DHX33: variants seen among roughly 807,000 people sequenced by gnomAD.
DHX33 encodes DEAH-box helicase 33, also known as ATP-dependent RNA helicase DHX33.
A neutral mutation model predicts 72.5 loss-of-function variants in DHX33; 42 were observed. The observed-to-expected ratio is 0.58, with a 90% confidence interval of 0.45 to 0.75. DHX33 has a LOEUF of 0.75. Ranked by LOEUF, DHX33 falls within the 30% of genes least tolerant of loss-of-function variation. The pLI is 0.00. For missense variants in DHX33, 842 were observed against 917.5 expected (o/e 0.92, Z 1.06); for synonymous variants, 358 against 366.1 (o/e 0.98, Z 0.25).
chr17:5,456,080 C>A lies in DHX33; in HGVS notation c.952G>T (p.Gly318Cys), dbSNP rs199848387. The A allele has an allele frequency of 2.5e-6, 4 of 1,613,794 alleles. No homozygotes were observed. Among genetic ancestry groups the A allele is most frequent in the Admixed American group, 3.3e-5 (2 of 60,008 alleles). Reference protein sequence around the residue: ...CRDIAKHLPDGCPAMLVLPLY... With the variant: ...CRDIAKHLPDCCPAMLVLPLY... ...GGAAGGACCAGCATCGCAGGGCAGC[C>A]GTCTGGGAGGTGCTTTGCAATGTCT... The change falls in exon 5 of 12, where the codon GGC becomes TGC. Residue 318 changes from glycine (G) to cysteine (C), a missense_variant. Transcript: ENST00000225296.
At chr17:5,447,152 A>G (rs1396009497) in intron 11 of DHX33, among the ~76,000 whole-genome samples, 3 of 152,256 alleles carry the variant, frequency 2.0e-5, no homozygotes, top group Admixed American at 1.3e-4. Flanking sequence ...GTGGAGTGTC[A>G]TGCGAGCATT....
In DHX33 at chr17:5,468,753, A is replaced by G. The variant is rs750790335; in HGVS notation, c.107T>C (p.Leu36Pro). The G allele has an allele frequency of 1.9e-6, 3 of 1,611,150 alleles. No individual in the cohort carries two copies. The highest frequency in any genetic ancestry group is 2.5e-6 in the Non-Finnish European group (3 of 1,179,072). ...FPPGRQVVML[L>P]TAGSGGRGGG... ...TCCTCTGCCGCCGCTGCCCGCAGTC[A>G]GCAGCATCACCACTTGCCTCCCGGG... is the stretch of plus-strand genomic sequence containing the variant. The change falls in exon 1 of 12, where the codon CTG becomes CCG. Residue 36 changes from leucine to proline, a missense_variant. Transcript: ENST00000225296.
In DHX33 at chr17:5,448,855, G is replaced by A. The variant is rs745955062; in HGVS notation, c.1769C>T (p.Thr590Met). Reference protein sequence around the residue: ...KENFVNSKNMTLVAEVRAQLR... With the variant: ...KENFVNSKNMMLVAEVRAQLR... Reference sequence around the variant, plus strand: ...CTGTGCTCTGACTTCTGCTACCAGCGTCATATTCTTGCTGTTGACAAAATT... The same window carrying A: ...CTGTGCTCTGACTTCTGCTACCAGCATCATATTCTTGCTGTTGACAAAATT... Residue 590 changes from threonine to methionine, a missense_variant, in exon 11 of 12, where the codon ACG (threonine) becomes ATG (methionine). Coordinates refer to ENST00000225296, the MANE Select transcript of DHX33 (RefSeq NM_020162.4). The A allele has an allele frequency of 1.2e-5, 20 of 1,612,852 alleles. No individual in the cohort carries two copies. Among genetic ancestry groups the A allele is most frequent in the Admixed American group, 5.0e-5 (3 of 59,824 alleles).
In DHX33 at chr17:5,441,305, T is replaced by C. The variant is rs977523241; in HGVS notation, c.*2900A>G. 1 of 152,238 alleles carries C rather than the reference T, an allele frequency of 6.6e-6. No homozygotes were observed. The highest frequency in any genetic ancestry group is 2.4e-5 in the African/African-American group (1 of 41,462). 9.4% of individuals were successfully genotyped at this position (152,238 alleles called of 1,614,324 possible). ...TTAAGGGTTTTTAGCCAGGACCTGC[T>C]GTTTGCAGTCCTGCCCCTTGTAGTG... On this transcript the variant is annotated 3_prime_UTR_variant, in exon 12 of 12. Transcript: ENST00000225296.
chr17:5,450,390 G>A lies in DHX33; in HGVS notation c.1541C>T (p.Pro514Leu). The A allele has an allele frequency of 1.2e-6, 2 of 1,614,056 alleles. No individual in the cohort carries two copies. Residue 514 changes from proline (P) to leucine (L), a missense_variant, in exon 10 of 12, where the codon CCC (proline) becomes CTC (leucine). Coordinates refer to ENST00000225296, the MANE Select transcript of DHX33 (RefSeq NM_020162.4). ...GATCTCCTCTGTACAGTGGAATTTGGGGGACATGAGGATGGTCTGCAAAGC... is the reference window on the plus strand; with the variant it reads ...GATCTCCTCTGTACAGTGGAATTTGAGGGACATGAGGATGGTCTGCAAAGC... ...PKFAKTILMS[P>L]KFHCTEEILT...
At chr17:5,467,769 G>GC (rs1904940209) in intron 1 of DHX33, among the ~76,000 whole-genome samples, 1 of 152,122 alleles carries the variant, frequency 6.6e-6, no homozygotes, top group East Asian at 1.9e-4. Context: ...CTTGTGATAA[G>GC]CCCCCTCACC....
At chr17:5,462,668 C>G (rs1470272875) in intron 2 of DHX33, 122 bp from the exon 3 acceptor site, 6 of 690,102 alleles carry the variant, frequency 8.7e-6, no homozygotes, top group Non-Finnish European at 1.5e-5. Flanking sequence ...TTCCCACTCC[C>G]TTGGGAAGCA....
chr17:5,461,753 T>G (rs1013887630), intron 3 of DHX33, among the ~76,000 whole-genome samples: 3 of 151,574 alleles, frequency 2.0e-5, no homozygotes, highest in African/African-American at 2.4e-5. Flanking sequence ...TTCACCACGT[T>G]GGCCAGGCTG....
rs1052807226 is a variant in DHX33, at chr17:5,444,620, C to T, written c.1816-107G>A. The T allele has an allele frequency of 2.6e-6, 3 of 1,143,724 alleles. No homozygotes were observed. Among genetic ancestry groups the T allele is most frequent in the Non-Finnish European group, 3.7e-6 (3 of 811,524 alleles). The allele number at this position is 1,143,724 out of a possible 1,614,324, so 70.8% of individuals were successfully genotyped here. A position where few individuals can be genotyped will look rare whatever the true frequency, so the allele number is the denominator to read the frequency against. ...GACCCACTGGGGCAAAAGCAGCCCA[C>T]ATTGTGAGCCTAACGATGTGGATTC... On this transcript the variant is annotated intron_variant, in intron 11 of 11. Transcript: ENST00000225296. This position sits in a 1 kb window ranked among gnomAD's most constrained non-coding sequence, Gnocchi z 4.9.
At chr17:5,455,401 A>T in intron 5 of DHX33, 130 bp from the exon 6 acceptor site, 2 of 743,770 alleles carry the variant, frequency 2.7e-6, no homozygotes, top group Non-Finnish European at 4.6e-6. Flanking sequence ...TATTAATGGC[A>T]GTCATTAATA....
intron 4 of DHX33, among the ~76,000 whole-genome samples, chr17:5,457,171 G>T (rs879895666): frequency 1.3e-5 from 2 of 152,148 alleles, no homozygotes; most frequent in Non-Finnish European, 2.9e-5. Context: ...AGCCAGGCGT[G>T]GTGGCGCACG....
rs12603094 is a variant in DHX33, at chr17:5,444,636, A to G, written c.1816-123T>C. The G allele has an allele frequency of 9.8e-7, 1 of 1,016,598 alleles. No individual in the cohort carries two copies. The highest frequency in any genetic ancestry group is 2.6e-5 in the East Asian group (1 of 38,268). 63.0% of individuals were successfully genotyped at this position (1,016,598 alleles called of 1,614,324 possible). A position where few individuals can be genotyped will look rare whatever the true frequency, so the allele number is the denominator to read the frequency against. Reference sequence around the variant, plus strand: ...AGCAGCCCACATTGTGAGCCTAACGATGTGGATTCTGACATTCGGAGGTGG... The same window carrying G: ...AGCAGCCCACATTGTGAGCCTAACGGTGTGGATTCTGACATTCGGAGGTGG... On this transcript the variant is annotated intron_variant, in intron 11 of 11. Coordinates refer to ENST00000225296, the MANE Select transcript of DHX33 (RefSeq NM_020162.4). This position sits in a 1 kb window ranked among gnomAD's most constrained non-coding sequence, Gnocchi z 4.9.
At chr17:5,452,597 A>C (rs1396303398) in intron 8 of DHX33, among the ~76,000 whole-genome samples, 1 of 152,168 alleles carries the variant, frequency 6.6e-6, no homozygotes, top group East Asian at 1.9e-4. Flanking sequence ...TCACACCTGT[A>C]GTCCCAGCTA....
In DHX33 at chr17:5,453,903, C is replaced by T; in HGVS notation, c.1225G>A (p.Glu409Lys). Residue 409 changes from glutamate to lysine, a missense_variant, in exon 7 of 12, where the codon GAG becomes AAG. By Grantham distance (56) the Glu-to-Lys change is moderately conservative (BLOSUM62 1). Coordinates refer to ENST00000225296, the MANE Select transcript of DHX33 (RefSeq NM_020162.4). ...AWQRTGRAGR[E>K]DSGICYRLYT... ...AGCCGGTAGCAGATGCCACTGTCCT[C>T]TCTGCCAGCCCTCCCTGTGCGCTGC... 2.5e-6 allele frequency: 4 copies of T among 1,607,256 alleles called. No homozygotes were observed. The highest frequency in any genetic ancestry group is 3.4e-6 in the Non-Finnish European group (4 of 1,177,154).
At chr17:5,446,966 T>C (rs562408041) in intron 11 of DHX33, among the ~76,000 whole-genome samples, 4 of 152,330 alleles carry the variant, frequency 2.6e-5, no homozygotes, top group African/African-American at 9.6e-5. Flanking sequence ...CCGTAGGCCG[T>C]TGGCATCAGA....
At chr17:5,449,071 A>G (rs968886887) in intron 10 of DHX33, among the ~76,000 whole-genome samples, 176 bp from the exon 11 acceptor site, 1 of 152,204 alleles carries the variant, frequency 6.6e-6, no homozygotes, top group Non-Finnish European at 1.5e-5. Context: ...ACATGCCACC[A>G]TGCCCAGCTA....
At chr17:5,447,944 C>G (rs556522921) in intron 11 of DHX33, among the ~76,000 whole-genome samples, 1 of 152,080 alleles carries the variant, frequency 6.6e-6, no homozygotes, top group Non-Finnish European at 1.5e-5. Flanking sequence ...TTCGGGAGGC[C>G]GAGGCGGGCA....
intron 5 of DHX33, 66 bp downstream of exon 5, chr17:5,455,931 A>C: frequency 6.6e-7 from 1 of 1,520,778 alleles, no homozygotes; most frequent in Non-Finnish European, 8.9e-7. Context: ...TAACAGGTAC[A>C]GACCTCGCTG....
intron 5 of DHX33, 120 bp from the exon 6 acceptor site, chr17:5,455,391 T>C: frequency 1.2e-6 from 1 of 800,876 alleles, no homozygotes; most frequent in Admixed American, 2.2e-5. Context: ...ATGACTCCAT[T>C]ATTAATGGCA....
Sources: gnomAD v4.1 joint callset for allele counts (sites outside exome capture counted in the v4.1 genomes callset) on GRCh38, gnomAD v4.1.1 for gene constraint, Gnocchi (gnomAD v3.1) non-coding constraint, MANE v1.5 for transcripts, NCBI Gene and HGNC (gene_info 2026-07-23, HGNC 2026-07-21) for gene names.